The following ITGA1 variants were observed in gnomAD, a reference collection of about 807,000 sequenced individuals.
The protein encoded by ITGA1 is integrin subunit alpha 1.
ITGA1 carries 85 observed loss-of-function variants against 145.9 expected under a neutral mutation model. The observed-to-expected ratio is 0.58, with a 90% CI of 0.49 to 0.70. ITGA1 has a LOEUF of 0.70. ITGA1 is among the 30% of genes least tolerant of loss of function. The pLI is 0.00. For synonymous variants in ITGA1, 520 were observed against 495.3 expected, an observed-to-expected ratio of 1.05 and a Z score of -0.66; for missense variants, 1,351 against 1,418.7, an observed-to-expected ratio of 0.95 and a Z score of 0.77.
At chr5:52,906,381 T>G (rs993262291) in intron 12 of ITGA1, among the ~76,000 whole-genome samples, 3 of 152,122 alleles carry the variant, frequency 2.0e-5, no homozygotes, top group African/African-American at 4.8e-5. Flanking sequence ...GAATGGCAAA[T>G]TAAGAGCTTG....
rs1280787204 is a variant in ITGA1 at position 52,956,882 on chromosome 5, C to G, written c.*4431C>G. ...GTGAGTCCTCTGGCTGCCAATCAGA[C>G]TGCTGATTCTAAACCATTCTCACAC... On this transcript the variant is annotated 3_prime_UTR_variant, in exon 29 of 29. Transcript: ENST00000282588. 6.6e-6 allele frequency: 1 copy of G among 152,208 alleles called. No individual in the cohort carries two copies. The highest frequency in any genetic ancestry group is 1.5e-5 in the Non-Finnish European group (1 of 68,044). The allele number at this position is 152,208 out of a possible 1,614,324, so 9.4% of individuals were successfully genotyped here.
chr5:52,912,195 G>T (rs113998653), intron 14 of ITGA1, among the ~76,000 whole-genome samples: 28,003 of 138,212 alleles, frequency 0.2, 3,641 homozygotes, highest in East Asian at 0.35. Context: ...GCTATATATA[G>T]TGTATCTAGT....
At chr5:52,933,559 A>G (rs759591126) in intron 22 of ITGA1, 2 of 139,782 alleles carry the variant, frequency 1.4e-5, no homozygotes, top group Admixed American at 1.4e-4. Context: ...AGAATTCAGC[A>G]TTACATTTTA....
Position 52,800,078 on chromosome 5 carries a change from G to T in ITGA1, c.61+11664G>T, listed in dbSNP as rs545227833. The T allele has an allele frequency of 2.9e-5, 10 of 347,596 alleles. 1 individual carries two copies. In the South Asian group the frequency reaches 3.1e-4, roughly 11 times the overall value. 21.5% of individuals were successfully genotyped at this position (347,596 alleles called of 1,614,324 possible). On this transcript the variant is annotated intron_variant, in intron 1 of 28. Coordinates refer to ENST00000282588, the MANE Select transcript of ITGA1 (RefSeq NM_181501.2). The stretch of plus-strand genomic sequence containing the variant: ...GACGTGCGTCGGGTCGCGGGACGGG[G>T]GCTGCGCATGCGCCTTCATTTCGTC...
chr5:52,921,123 C>T (rs913192370), intron 17 of ITGA1, among the ~76,000 whole-genome samples: 2 of 151,824 alleles, frequency 1.3e-5, no homozygotes, highest in African/African-American at 4.8e-5. Context: ...GGAATGTTCC[C>T]AACAGAGGGC....
chr5:52,849,088 T>C (rs1369510076), intron 1 of ITGA1, among the ~76,000 whole-genome samples: 1 of 152,190 alleles, frequency 6.6e-6, no homozygotes, highest in Admixed American at 6.5e-5. Context: ...TTTGCATATA[T>C]ACCCAGTAAT....
chr5:52,869,809 G>A (rs1016741469), intron 6 of ITGA1, among the ~76,000 whole-genome samples: 18 of 151,706 alleles, frequency 1.2e-4, no homozygotes, highest in African/African-American at 4.4e-4. Flanking sequence ...TTATTCTCTA[G>A]TATTCAGTCT....
intron 1 of ITGA1, among the ~76,000 whole-genome samples, chr5:52,828,269 A>T (rs1749001548): frequency 6.6e-6 from 1 of 152,168 alleles, no homozygotes; most frequent in Non-Finnish European, 1.5e-5. Context: ...ATTCCCACCA[A>T]CAATATATGA....
intron 9 of ITGA1, 134 bp downstream of exon 9, chr5:52,893,974 A>C (rs898831054): frequency 8.1e-6 from 5 of 618,946 alleles, no homozygotes; most frequent in South Asian, 2.3e-5. Flanking sequence ...CTAGCATGGA[A>C]CAATGCTCTT....
At chr5:52,834,430 G>C (rs1286073117) in intron 1 of ITGA1, among the ~76,000 whole-genome samples, 2 of 151,738 alleles carry the variant, frequency 1.3e-5, no homozygotes, top group East Asian at 1.9e-4. Flanking sequence ...ATAGTGGAGA[G>C]AGACAGAGAG....
chr5:52,939,255 T>C (rs973054492), intron 24 of ITGA1, among the ~76,000 whole-genome samples: 6 of 145,346 alleles, frequency 4.1e-5, no homozygotes, highest in African/African-American at 1.5e-4. Flanking sequence ...CTCTGTAGTA[T>C]AGAATTTATA....
intron 1 of ITGA1, among the ~76,000 whole-genome samples, chr5:52,828,906 T>A (rs1423010312): frequency 1.3e-5 from 2 of 152,182 alleles, no homozygotes; most frequent in African/African-American, 4.8e-5. Context: ...TACTAATCTC[T>A]AACTTTGTCT....
At position 52,918,884 on chromosome 5, in the gene ITGA1, C is replaced by A. The variant is rs373517668; in HGVS notation, c.2141C>A (p.Thr714Lys). ...FDVKLKSKED[T>K]IYEADLQYRV... ...GTGAAATTAAAGTCTAAAGAAGACA[C>A]GATTTATGAAGCTGGTAAGCAAAAT... The change falls in exon 16 of 29, where the codon ACG (threonine) becomes AAG (lysine). Residue 714 changes from threonine to lysine, a missense_variant. Coordinates refer to ENST00000282588, the MANE Select transcript of ITGA1 (RefSeq NM_181501.2). 3 of 1,591,884 alleles carry A rather than the reference C, an allele frequency of 1.9e-6. No homozygotes were observed. The highest frequency in any genetic ancestry group is 1.7e-6 in the Non-Finnish European group (2 of 1,172,326).
At position 52,910,419 on chromosome 5, in the gene ITGA1, A is replaced by G. The variant is rs1334481699; in HGVS notation, c.1857A>G (p.Gln619=). ...SGKTIRKEYA[Q]RIPSGGDGKT... is the part of the protein sequence containing the mutation. ...AGACTATAAGGAAAGAGTATGCACA[A>G]GTAAGAATTGAAACCTACAGATTCC... Residue 619 remains glutamine (Q), a splice_region_variant and synonymous_variant, in exon 14 of 29, where the codon CAA becomes CAG. Transcript: ENST00000282588. The G allele has an allele frequency of 2.5e-6, 4 of 1,609,390 alleles. No individual in the cohort carries two copies. Among genetic ancestry groups the G allele is most frequent in the Non-Finnish European group, 3.4e-6 (4 of 1,176,164 alleles).
Position 52,891,262 on chromosome 5 carries a change from C to CAT in ITGA1, c.925-2413_925-2412insAT, listed in dbSNP as rs1554045317. ...ATATACCCAGCAATGTTTTTTTTTTCTTTTTTTTTTTTCATTTTAAATACA... is the reference window on the plus strand; with the variant it reads ...ATATACCCAGCAATGTTTTTTTTTTCATTTTTTTTTTTTTCATTTTAAATACA... On this transcript the variant is annotated intron_variant, in intron 8 of 28. Transcript: ENST00000282588. 1.3e-4 allele frequency among the ~76,000 whole-genome samples: 18 copies of CAT among 135,772 alleles called. 1 individual carries two copies. The highest frequency in any genetic ancestry group is 1.9e-4 in the Non-Finnish European group (12 of 64,072). The allele number at this position is 135,772 out of a possible 152,430, so 89.1% of individuals were successfully genotyped here.
In ITGA1 at chr5:52,911,980, ACTATATGTATAGT is replaced by A. The variant is rs1451255902; in HGVS notation, c.1857+1562_1857+1574del. Among the ~76,000 whole-genome samples the A allele has an allele frequency of 4.4e-4, 33 of 75,736 alleles. 2 individuals carry two copies. Among genetic ancestry groups the A allele is most frequent in the African/African-American group, 3.5e-4 (8 of 22,848 alleles). The allele number at this position is 75,736 out of a possible 152,430, so 49.7% of individuals were successfully genotyped here. On this transcript the variant is annotated intron_variant, in intron 14 of 28. Coordinates refer to ENST00000282588, the MANE Select transcript of ITGA1 (RefSeq NM_181501.2). Reference sequence around the variant, plus strand: ...TATATATAGTGTATCTACTATATATACTATATGTATAGTGTGTATCTACTATATATACTATATG... The same window carrying A: ...TATATATAGTGTATCTACTATATATAGTGTATCTACTATATATACTATATG...
At position 52,881,916 on chromosome 5, in the gene ITGA1, A is replaced by G. The variant is rs1265733858; in HGVS notation, c.668A>G (p.Asn223Ser). Residue 223 changes from asparagine to serine, a missense_variant, in exon 7 of 29, where the codon AAC becomes AGC. Asn to Ser is a conservative substitution (Grantham distance 46, BLOSUM62 1). Transcript: ENST00000282588. ...QYGENVTHEF[N>S]LNKYSSTEEV... Reference sequence around the variant, plus strand: ...GGAGAAAACGTGACCCATGAGTTCAACCTCAATAAGTATTCTTCCACCGAA... The same window carrying G: ...GGAGAAAACGTGACCCATGAGTTCAGCCTCAATAAGTATTCTTCCACCGAA... The G allele has an allele frequency of 6.2e-7, 1 of 1,613,982 alleles. No individual in the cohort carries two copies. Among genetic ancestry groups the G allele is most frequent in the Non-Finnish European group, 8.5e-7 (1 of 1,179,898 alleles).
At chr5:52,877,116 T>C (rs1050537080) in intron 6 of ITGA1, among the ~76,000 whole-genome samples, 1 of 152,206 alleles carries the variant, frequency 6.6e-6, no homozygotes, top group Admixed American at 6.5e-5. Context: ...TTTAAAAAAT[T>C]AGAATAAAAA....
intron 2 of ITGA1, among the ~76,000 whole-genome samples, chr5:52,850,796 C>A (rs1040671398): frequency 1.3e-5 from 2 of 152,074 alleles, no homozygotes; most frequent in African/African-American, 4.8e-5. Context: ...AGTTCCCTTT[C>A]CCTCCCTCCT....
Sources: gnomAD v4.1 joint callset for allele counts (sites outside exome capture counted in the v4.1 genomes callset) on GRCh38, gnomAD v4.1.1 for gene constraint, MANE v1.5 for transcripts, NCBI Gene and HGNC (gene_info 2026-07-23, HGNC 2026-07-21) for gene names.